Variants in SUMF1 observed in about 807,000 individuals in gnomAD.
SUMF1 encodes formylglycine-generating enzyme.
A neutral mutation model predicts 47.6 loss-of-function variants in SUMF1; 48 were observed. The ratio of observed to expected loss-of-function variants is 1.01; its 90% CI spans 0.80 to 1.28. SUMF1 has a LOEUF of 1.28. Ranked by LOEUF, SUMF1 falls within the 50% of genes most tolerant of loss-of-function variation. SUMF1 has a pLI of 0.00. For missense variants in SUMF1, 571 were observed against 485.4 expected (o/e 1.18, Z -1.66); for synonymous variants, 230 against 192.1 (o/e 1.20, Z -1.63).
At chr3:4,357,564 T>A, downstream of SUMF1, among the ~76,000 whole-genome samples, 1 of 150,360 alleles carries the variant, frequency 6.7e-6, no homozygotes, top group South Asian at 2.1e-4. Context: ...ACCACACCCC[T>A]GCCCCAACCA....
chr3:4,296,922 G>C (rs930937167), intron 8 of SUMF1, among the ~76,000 whole-genome samples: 1 of 152,092 alleles, frequency 6.6e-6, no homozygotes. Context: ...AATGTGAATC[G>C]AAAAAGAGAC....
intron 3 of SUMF1, among the ~76,000 whole-genome samples, chr3:4,444,919 G>T (rs1229183186): frequency 6.6e-6 from 1 of 152,128 alleles, no homozygotes; most frequent in African/African-American, 2.4e-5. Flanking sequence ...GGGTAGGGGA[G>T]GGAGCAGATC....
intron 8 of SUMF1, among the ~76,000 whole-genome samples, chr3:4,189,399 G>C (rs888911856): frequency 6.6e-6 from 1 of 151,992 alleles, no homozygotes; most frequent in Non-Finnish European, 1.5e-5. Flanking sequence ...TAAAAGACAG[G>C]CATGTTAATT....
chr3:4,217,514 T>TATATATATATATATATAAA (rs1553610066), intron 8 of SUMF1, among the ~76,000 whole-genome samples: 1 of 45,200 alleles, frequency 2.2e-5, no homozygotes, highest in African/African-American at 1.0e-4. Flanking sequence ...AAAGTATTTT[T>TATATATATATATATATAAA]TATATATATA....
chr3:4,454,418 A>C (rs1360899504), intron 1 of SUMF1, among the ~76,000 whole-genome samples: 1 of 152,212 alleles, frequency 6.6e-6, no homozygotes, highest in East Asian at 1.9e-4. Flanking sequence ...GCTATAACAA[A>C]AAAGACACAA....
intron 8 of SUMF1, among the ~76,000 whole-genome samples, chr3:4,296,545 G>T (rs780647889): frequency 6.6e-6 from 1 of 152,146 alleles, no homozygotes; most frequent in Non-Finnish European, 1.5e-5. Flanking sequence ...CTGGCAGCAG[G>T]CAAGATAAGC....
intron 2 of SUMF1, 56 bp from the exon 3 acceptor site, chr3:4,449,396 G>T: frequency 6.5e-7 from 1 of 1,544,260 alleles, no homozygotes; most frequent in Non-Finnish European, 9.0e-7. Context: ...TGTGTTGCAT[G>T]TGTGCCCTTT....
At chr3:4,148,190 C>G (rs1389607330) in intron 8 of SUMF1, among the ~76,000 whole-genome samples, 1 of 152,112 alleles carries the variant, frequency 6.6e-6, no homozygotes, top group East Asian at 1.9e-4. Context: ...CCTAGCTAAT[C>G]AGGCGAAGAA....
chr3:4,179,370 G>A (rs1695041933), intron 8 of SUMF1, among the ~76,000 whole-genome samples: 1 of 152,084 alleles, frequency 6.6e-6, no homozygotes, highest in Admixed American at 6.6e-5. Flanking sequence ...AGAGGCTTCA[G>A]AAATACCACA....
At chr3:4,432,679 T>C (rs186019526) in intron 3 of SUMF1, among the ~76,000 whole-genome samples, 1 of 152,326 alleles carries the variant, frequency 6.6e-6, no homozygotes, top group East Asian at 1.9e-4. Context: ...CTCTAATCAT[T>C]TTCTATCCAT....
intron 8 of SUMF1, among the ~76,000 whole-genome samples, chr3:4,244,836 G>C (rs903895973): frequency 6.6e-6 from 1 of 152,058 alleles, no homozygotes; most frequent in Admixed American, 6.5e-5. Context: ...ATATCCTGAA[G>C]GGTGTTTTCC....
At chr3:4,400,655 G>A (rs967512387) in intron 7 of SUMF1, among the ~76,000 whole-genome samples, 3 of 152,228 alleles carry the variant, frequency 2.0e-5, no homozygotes, top group Admixed American at 6.5e-5. Flanking sequence ...GCTGTGTGGT[G>A]GGCACAGTGA....
intron 8 of SUMF1, among the ~76,000 whole-genome samples, chr3:4,240,692 A>C (rs1333889646): frequency 6.6e-6 from 1 of 152,020 alleles, no homozygotes; most frequent in Non-Finnish European, 1.5e-5. Flanking sequence ...TATTATACCC[A>C]TTTCATAAAA....
intron 7 of SUMF1, among the ~76,000 whole-genome samples, chr3:4,402,836 A>G (rs1701257810): frequency 6.6e-6 from 1 of 152,234 alleles, no homozygotes; most frequent in Admixed American, 6.5e-5. Flanking sequence ...ATTTTGTAAA[A>G]AATAACTGCA....
chr3:4,456,771 CACATATATACGTGT>C (rs762497668), intron 1 of SUMF1, among the ~76,000 whole-genome samples: 22 of 7,394 alleles, frequency 3.0e-3, no homozygotes, highest in Non-Finnish European at 4.1e-3. Flanking sequence ...TGTATATATA[CACATATATACGTGT>C]GTGTGTATAT....
At chr3:4,451,804 C>T (rs1702978792) in intron 2 of SUMF1, among the ~76,000 whole-genome samples, 1 of 152,168 alleles carries the variant, frequency 6.6e-6, no homozygotes, top group African/African-American at 2.4e-5. Flanking sequence ...CTGCCTCAGC[C>T]TCCCAAGTAG....
chr3:4,172,755 T>A (rs918081384), intron 8 of SUMF1, among the ~76,000 whole-genome samples: 5 of 152,132 alleles, frequency 3.3e-5, no homozygotes, highest in Non-Finnish European at 2.9e-5. Context: ...AGATTCCGGA[T>A]ATTAGCCCTT....
At chr3:4,231,507 T>A (rs1696299181) in intron 8 of SUMF1, among the ~76,000 whole-genome samples, 1 of 152,182 alleles carries the variant, frequency 6.6e-6, no homozygotes, top group Non-Finnish European at 1.5e-5. Context: ...GTTAACAATT[T>A]AATCTGTAAG....
chr3:4,045,383 CCCATCCATCCAT>C (rs544862356), intron 9 of SUMF1, among the ~76,000 whole-genome samples: 1 of 151,388 alleles, frequency 6.6e-6, no homozygotes, highest in Non-Finnish European at 1.5e-5. Context: ...CAACCATCCA[CCCATCCATCCAT>C]CCATCCATCC....
Sources: gnomAD v4.1 joint callset for allele counts (sites outside exome capture counted in the v4.1 genomes callset) on GRCh38, gnomAD v4.1.1 for gene constraint, MANE v1.5 for transcripts, NCBI Gene and HGNC (gene_info 2026-07-23, HGNC 2026-07-21) for gene names.